The following CFH variants were observed in gnomAD, a reference collection of about 807,000 sequenced individuals.
CFH encodes H factor 1 (complement).
CFH carries 53 observed loss-of-function variants against 147.3 expected under a neutral mutation model. That is an observed-to-expected ratio of 0.36 (90% CI 0.29 to 0.45). The LOEUF is 0.45. Among genes scored for constraint, CFH ranks in the 20% least tolerant of loss-of-function variants. The pLI is 1.00. For missense variants in CFH, 1,380 were observed against 1,498.0 expected (o/e 0.92, Z 1.30); for synonymous variants, 536 against 489.4 (o/e 1.10, Z -1.26).
At chr1:196,706,549 C>G (rs1668594062) in intron 9 of CFH, among the ~76,000 whole-genome samples, 1 of 152,112 alleles carries the variant, frequency 6.6e-6, no homozygotes. Context: ...AGAGAGAATT[C>G]GATTGAGACT....
chr1:196,714,635 G>GTGTGTATA (rs1392624278), intron 10 of CFH, among the ~76,000 whole-genome samples: 1 of 24,924 alleles, frequency 4.0e-5, no homozygotes, highest in African/African-American at 1.7e-4. Context: ...ACGTATATAT[G>GTGTGTATA]TATATATATA....
chr1:196,657,494 A>G (rs945937862), intron 1 of CFH, among the ~76,000 whole-genome samples: 19 of 152,190 alleles, frequency 1.2e-4, no homozygotes, highest in African/African-American at 4.3e-4. Context: ...GACTTTTCGT[A>G]CATGCGGTTT....
At chr1:196,740,952 T>C in intron 18 of CFH, 160 bp downstream of exon 18, 1 of 746,306 alleles carries the variant, frequency 1.3e-6, no homozygotes, top group Non-Finnish European at 2.2e-6. Context: ...ATTAAAACAT[T>C]TGACATTATA....
In CFH at chr1:196,717,558, A is replaced by T. The variant is rs530171054; in HGVS notation, c.1696+1789A>T. On this transcript the variant is annotated intron_variant, in intron 11 of 21. Transcript: ENST00000367429. The stretch of plus-strand genomic sequence containing the variant: ...GTAGAAGAGACAGACCCTACATAGA[A>T]TCTGCCAATAAAAATAATGAGCTAG... Among the ~76,000 whole-genome samples the T allele has an allele frequency of 2.1e-4, 32 of 152,196 alleles. No individual in the cohort carries two copies. The East Asian group carries it at 6.0e-3, about 29-fold the overall frequency.
rs1573010257 is a variant in CFH at position 196,674,071 on chromosome 1, T to C, written c.350+109T>C. On this transcript the variant is annotated intron_variant, in intron 3 of 21. Coordinates refer to ENST00000367429, the MANE Select transcript of CFH (RefSeq NM_000186.4). ...ATTTTTCTATGAGCATTTAAAAAAG[T>C]AATACACAAGTACCTGAAAGTTTAA... is the stretch of plus-strand genomic sequence containing the variant. 1.3e-5 allele frequency: 10 copies of C among 763,932 alleles called. No individual in the cohort carries two copies. In the East Asian group the frequency reaches 2.5e-4, roughly 19 times the overall value. The allele number at this position is 763,932 out of a possible 1,614,324, so 47.3% of individuals were successfully genotyped here.
chr1:196,679,449 A>G (rs998226491), intron 5 of CFH, 174 bp from the exon 6 acceptor site: 1 of 505,994 alleles, frequency 2.0e-6, no homozygotes, highest in Non-Finnish European at 3.5e-6. Flanking sequence ...TTTAATCAGA[A>G]TTTTAACTTT....
intron 14 of CFH, among the ~76,000 whole-genome samples, 158 bp downstream of exon 14, chr1:196,727,098 T>C (rs535651764): frequency 6.6e-6 from 1 of 152,318 alleles, no homozygotes; most frequent in East Asian, 1.9e-4. Context: ...TAATTCAATA[T>C]GTGTCTAGAA....
At chr1:196,730,449 T>C (rs757998257) in intron 15 of CFH, among the ~76,000 whole-genome samples, 7 of 151,894 alleles carry the variant, frequency 4.6e-5, no homozygotes, top group African/African-American at 7.2e-5. Flanking sequence ...AGTGACTTGA[T>C]ATGATTTCAG....
rs556018689 is a variant in CFH at position 196,676,645 on chromosome 1, TAAAAG to T, written c.427+584_427+588del. On this transcript the variant is annotated intron_variant, in intron 4 of 21. Transcript: ENST00000367429. ...TCCAAATCTCTAGTCATTATGGAAA[TAAAAG>T]AAATCAACCAGAGTAGTATTTCCTA... Among the ~76,000 whole-genome samples, 204 of 152,216 alleles carry T rather than the reference TAAAAG, an allele frequency of 1.3e-3. No individual in the cohort carries two copies. In the South Asian group the frequency reaches 0.015, roughly 11 times the overall value.
In CFH at chr1:196,726,818, C is replaced by T. The variant is rs548410144; in HGVS notation, c.2114C>T (p.Ser705Phe). 1.2e-5 allele frequency: 20 copies of T among 1,613,798 alleles called. No homozygotes were observed. The East Asian group carries it at 4.2e-4, about 34-fold the overall frequency. Residue 705 changes from serine to phenylalanine, a missense_variant, in exon 14 of 22, where the codon TCT (serine) becomes TTT (phenylalanine). Transcript: ENST00000367429. ...CTTGAACATGGCTGGGCCCAGCTTT[C>T]TTCCCCTCCTTATTACTATGGAGAT... ...PELEHGWAQLSSPPYYYGDSV... is the reference protein window; with the variant it reads ...PELEHGWAQLFSPPYYYGDSV...
At chr1:196,676,185 A>G (rs534021367) in intron 4 of CFH, 120 bp downstream of exon 4, 1 of 624,648 alleles carries the variant, frequency 1.6e-6, no homozygotes, top group East Asian at 3.0e-5. Context: ...TTTTTTTCTC[A>G]TACAATGTAG....
chr1:196,658,356 T>C (rs542751195), intron 1 of CFH, among the ~76,000 whole-genome samples: 1 of 146,934 alleles, frequency 6.8e-6, no homozygotes, highest in East Asian at 2.1e-4. Flanking sequence ...CAAGCAGTCC[T>C]CCCACCTAAG....
chr1:196,747,367 T>C lies in CFH; in HGVS notation c.*54T>C. The C allele has an allele frequency of 6.2e-7, 1 of 1,609,614 alleles. No individual in the cohort carries two copies. The highest frequency in any genetic ancestry group is 1.1e-5 in the South Asian group (1 of 90,772). The stretch of plus-strand genomic sequence containing the variant: ...CAGAACTTTAGTATTAAATCAGTTC[T>C]CAATTTCATTTTTTATGTATTGTTT... On this transcript the variant is annotated 3_prime_UTR_variant, in exon 22 of 22. Transcript: ENST00000367429.
chr1:196,731,196 T>C (rs1573070821), intron 15 of CFH, among the ~76,000 whole-genome samples: 1 of 151,976 alleles, frequency 6.6e-6, no homozygotes, highest in East Asian at 1.9e-4. Flanking sequence ...TCTGTAGCCA[T>C]ATGCTTAGGA....
At chr1:196,665,004 A>C (rs1297951985) in intron 1 of CFH, among the ~76,000 whole-genome samples, 2 of 151,712 alleles carry the variant, frequency 1.3e-5, no homozygotes, top group African/African-American at 4.8e-5. Flanking sequence ...TTTCCAGCAA[A>C]ATTGATTATC....
At chr1:196,709,154 G>A (rs540895545) in intron 9 of CFH, among the ~76,000 whole-genome samples, 5 of 152,074 alleles carry the variant, frequency 3.3e-5, no homozygotes, top group African/African-American at 7.2e-5. Flanking sequence ...CAGCAGTCTC[G>A]CTGGAGACCA....
At chr1:196,688,597 C>T (rs1027257258) in intron 7 of CFH, among the ~76,000 whole-genome samples, 3 of 151,900 alleles carry the variant, frequency 2.0e-5, no homozygotes, top group East Asian at 1.9e-4. Flanking sequence ...AGGAAAGAGC[C>T]TAATTTATTT....
rs770964312 is a variant in CFH, at chr1:196,672,839, G to A, written c.59-139G>A. The A allele has an allele frequency of 6.1e-6, 4 of 653,014 alleles. 1 individual carries two copies. The highest frequency in any genetic ancestry group is 1.1e-5 in the Non-Finnish European group (4 of 374,302). The allele number at this position is 653,014 out of a possible 1,614,324, so 40.5% of individuals were successfully genotyped here. A position where few individuals can be genotyped will look rare whatever the true frequency, so the allele number is the denominator to read the frequency against. On this transcript the variant is annotated intron_variant, in intron 1 of 21. Coordinates refer to ENST00000367429, the MANE Select transcript of CFH (RefSeq NM_000186.4). Reference sequence around the variant, plus strand: ...TGTATGTTTACTCCATAGATATGGGGTTAGGAGAGAGAGAGAGAGAGAGAG... The same window carrying A: ...TGTATGTTTACTCCATAGATATGGGATTAGGAGAGAGAGAGAGAGAGAGAG...
At chr1:196,657,721 G>T (rs935940965) in intron 1 of CFH, among the ~76,000 whole-genome samples, 1 of 151,964 alleles carries the variant, frequency 6.6e-6, no homozygotes. Flanking sequence ...AATTGATTTT[G>T]TAACTTTGCT....
Sources: allele counts gnomAD v4.1 joint callset (sites outside exome capture counted in the v4.1 genomes callset), GRCh38; gene constraint gnomAD v4.1.1; transcripts MANE v1.5; gene names NCBI Gene and HGNC (gene_info 2026-07-23, HGNC 2026-07-21).